Variants in E2F7 observed in about 807,000 individuals in gnomAD.
E2F7 encodes E2F transcription factor 7.
In E2F7, 35 loss-of-function variants were observed where a neutral mutation model predicts 81.1. That is an observed-to-expected ratio of 0.43 (90% CI 0.33 to 0.57). E2F7 has a LOEUF of 0.57. E2F7 is among the 20% of genes least tolerant of loss of function. E2F7 has a pLI of 0.04. For synonymous variants in E2F7, 416 were observed against 416.2 expected (o/e 1.00, Z 0.01); for missense variants, 961 against 1,093.7 (o/e 0.88, Z 1.71).
At chr12:77,027,041 G>T (rs1272218463) in intron 11 of E2F7, among the ~76,000 whole-genome samples, 3 of 152,082 alleles carry the variant, frequency 2.0e-5, no homozygotes, top group Non-Finnish European at 4.4e-5. Flanking sequence ...TTGTTCATTT[G>T]TGTATCCCCA....
At chr12:77,062,766 T>C (rs1955088111) in intron 2 of E2F7, among the ~76,000 whole-genome samples, 1 of 152,144 alleles carries the variant, frequency 6.6e-6, no homozygotes, top group African/African-American at 2.4e-5. Context: ...ATGTGTATTT[T>C]TTCAAGGCTG....
At chr12:77,026,818 AT>A in intron 11 of E2F7, among the ~76,000 whole-genome samples, 1 of 152,262 alleles carries the variant, frequency 6.6e-6, no homozygotes, top group South Asian at 2.1e-4. Flanking sequence ...AGGTCTTTTT[AT>A]TACTATCAGT....
chr12:77,060,442 G>A (rs138355745), intron 2 of E2F7, among the ~76,000 whole-genome samples: 3 of 152,248 alleles, frequency 2.0e-5, no homozygotes, highest in Admixed American at 2.0e-4. Context: ...AAAGGTCTTC[G>A]TTGTCTTGGT....
rs970712610 is a variant in E2F7, at chr12:77,063,309, G to A, written c.93+1234C>T. On this transcript the variant is annotated intron_variant, in intron 2 of 12. Transcript: ENST00000322886. Reference sequence around the variant, plus strand: ...GGTGAACGTTCTTGACTTAAGGAAAGAAAATCGTACGCCAAGGTTGCTAAG... The same window carrying A: ...GGTGAACGTTCTTGACTTAAGGAAAAAAAATCGTACGCCAAGGTTGCTAAG... Among the ~76,000 whole-genome samples the A allele has an allele frequency of 4.1e-4, 63 of 152,174 alleles. 1 individual carries two copies. Among genetic ancestry groups the A allele is most frequent in the Non-Finnish European group, 3.2e-4 (22 of 68,024 alleles).
rs1326035219 is a variant in E2F7 at position 77,021,640 on chromosome 12, G to A, written c.*2375C>T. 2.0e-5 allele frequency: 3 copies of A among 152,644 alleles called. No homozygotes were observed. The highest frequency in any genetic ancestry group is 7.2e-5 in the African/African-American group (3 of 41,470). 9.5% of individuals were successfully genotyped at this position (152,644 alleles called of 1,614,324 possible). On this transcript the variant is annotated 3_prime_UTR_variant, in exon 13 of 13. Coordinates refer to ENST00000322886, the MANE Select transcript of E2F7 (RefSeq NM_203394.3). ...AAGGGTTTTACAAACCCTGGTCAGTGTAGGGCACACACAGCCTCTGTGACA... is the reference window on the plus strand; with the variant it reads ...AAGGGTTTTACAAACCCTGGTCAGTATAGGGCACACACAGCCTCTGTGACA...
At chr12:77,050,294 C>G (rs1954976095) in intron 4 of E2F7, among the ~76,000 whole-genome samples, 1 of 152,082 alleles carries the variant, frequency 6.6e-6, no homozygotes, top group Non-Finnish European at 1.5e-5. Flanking sequence ...ATATGAGATA[C>G]TAATTTGTAA....
At position 77,030,069 on chromosome 12, in the gene E2F7, A is replaced by G; in HGVS notation, c.1646T>C (p.Val549Ala). The G allele has an allele frequency of 6.2e-7, 1 of 1,614,198 alleles. No homozygotes were observed. The highest frequency in any genetic ancestry group is 1.1e-5 in the South Asian group (1 of 91,084). ...ALLAGQPLVY[V>A]PSASLFMLYG... is the part of the protein sequence containing the mutation. ...CAGCATGAACAGTGAGGCAGAGGGC[A>G]CATACACTAGAGGCTGGCCAGCAAG... Residue 549 changes from valine to alanine, a missense_variant, in exon 10 of 13, where the codon GTG becomes GCG. Physicochemically the swap from Val to Ala is moderately conservative, Grantham distance 64. This residue lies in a region of E2F7 where 587 missense variants were observed against 620.3 expected (regional missense o/e 0.95). Coordinates refer to ENST00000322886, the MANE Select transcript of E2F7 (RefSeq NM_203394.3).
intron 7 of E2F7, among the ~76,000 whole-genome samples, chr12:77,037,529 A>C (rs1017260463): frequency 7.2e-5 from 11 of 152,222 alleles, no homozygotes; most frequent in African/African-American, 2.4e-4. Context: ...AGGCAGGGAG[A>C]AATGAAAGCA....
rs1346545280 is a variant in E2F7 at position 77,030,212 on chromosome 12, T to C, written c.1503A>G (p.Val501=). Residue 501 remains valine (V), a synonymous_variant, in exon 10 of 13, where the codon GTA becomes GTG. Transcript: ENST00000322886. ...GCAGGTCCGTCTGAGCAACAGAAAA[T>C]ACTGGGTGGGCTAAAGGATTAACAC... is the stretch of plus-strand genomic sequence containing the variant. ...EYCVNPLAHP[V]FSVAQTDLQA... is the part of the protein sequence containing the mutation. 3.7e-6 allele frequency: 6 copies of C among 1,613,956 alleles called. No homozygotes were observed. The highest frequency in any genetic ancestry group is 3.4e-6 in the Non-Finnish European group (4 of 1,179,976).
chr12:77,031,415 TGGATAA>T (rs1954806388), intron 9 of E2F7, among the ~76,000 whole-genome samples: 3 of 147,172 alleles, frequency 2.0e-5, no homozygotes, highest in Non-Finnish European at 4.5e-5. Flanking sequence ...CTAAGACAGG[TGGATAA>T]CCTGAAGTCA....
chr12:77,044,783 C>T lies in E2F7; in HGVS notation c.842G>A (p.Ser281Asn). 6.2e-7 allele frequency: 1 copy of T among 1,613,856 alleles called. No homozygotes were observed. The highest frequency in any genetic ancestry group is 8.5e-7 in the Non-Finnish European group (1 of 1,179,946). Residue 281 changes from serine (S) to asparagine (N), a missense_variant, in exon 6 of 13, where the codon AGT becomes AAT. Ser to Asn is a conservative substitution (Grantham distance 46). This residue lies in a region of E2F7 where 301 missense variants were observed against 405.0 expected (regional missense o/e 0.74). Transcript: ENST00000322886. ...AATTCTCAGAGACTTGTCTTTTCTA[C>T]TGTTTGCAGATGCTACACAAGGAAT... ...EPDCPSSSAN[S>N]RKDKSLRIMS...
At chr12:77,038,329 T>C (rs1375163190) in intron 7 of E2F7, among the ~76,000 whole-genome samples, 1 of 152,174 alleles carries the variant, frequency 6.6e-6, no homozygotes, top group Non-Finnish European at 1.5e-5. Context: ...CTCTGTATAT[T>C]TGTGTATATT....
chr12:77,036,057 C>T (rs1024541764), intron 7 of E2F7, among the ~76,000 whole-genome samples: 7 of 131,868 alleles, frequency 5.3e-5, no homozygotes, highest in African/African-American at 8.6e-5. Context: ...CTTTAGGTAA[C>T]CAAAAGCAAG....
intron 6 of E2F7, 181 bp downstream of exon 6, chr12:77,044,456 A>G (rs1954922537): frequency 1.4e-6 from 1 of 699,022 alleles, no homozygotes; most frequent in Non-Finnish European, 2.4e-6. Context: ...CAGGACTCTA[A>G]GCTGAATTCT....
chr12:77,032,069 T>C (rs1273987921), intron 9 of E2F7, among the ~76,000 whole-genome samples: 1 of 152,186 alleles, frequency 6.6e-6, no homozygotes, highest in Non-Finnish European at 1.5e-5. Flanking sequence ...TCCCTTTCTT[T>C]CCACCTCTGG....
In E2F7 at chr12:77,025,790, G is replaced by C; in HGVS notation, c.2333C>G (p.Thr778Arg). Residue 778 changes from threonine to arginine, a missense_variant, in exon 12 of 13, where the codon ACA becomes AGA. Thr to Arg is a moderately conservative substitution (Grantham distance 71). This residue lies in a region of E2F7 where 587 missense variants were observed against 620.3 expected (regional missense o/e 0.95). Coordinates refer to ENST00000322886, the MANE Select transcript of E2F7 (RefSeq NM_203394.3). ...VSSTLGALPNTGPVNFSLPGL... is the reference protein window; with the variant it reads ...VSSTLGALPNRGPVNFSLPGL... ...AGGCAAGCTGAAATTCACAGGTCCT[G>C]TGTTTGGGAGAGCACCAAGAGTAGA... 1 of 1,614,154 alleles carries C rather than the reference G, an allele frequency of 6.2e-7. No homozygotes were observed. The highest frequency in any genetic ancestry group is 8.5e-7 in the Non-Finnish European group (1 of 1,180,044).
At chr12:77,064,092 C>T (rs1209754489) in intron 2 of E2F7, among the ~76,000 whole-genome samples, 2 of 152,176 alleles carry the variant, frequency 1.3e-5, no homozygotes, top group Non-Finnish European at 2.9e-5. Context: ...ATAGTAGGCA[C>T]AGGTCTACTC....
chr12:77,032,886 G>T (rs1047871161), intron 9 of E2F7, among the ~76,000 whole-genome samples, 164 bp downstream of exon 9: 9 of 152,136 alleles, frequency 5.9e-5, no homozygotes, highest in African/African-American at 2.2e-4. Flanking sequence ...TATCCCTGAT[G>T]CTACTTCCTG....
rs1954716063 is a variant in E2F7, at chr12:77,022,040, A to T, written c.*1975T>A. ...ATGGTCATATCATGATCAGAATAAT[A>T]AAAAAAGATAGCAAAAATGTTAAAA... On this transcript the variant is annotated 3_prime_UTR_variant, in exon 13 of 13. Coordinates refer to ENST00000322886, the MANE Select transcript of E2F7 (RefSeq NM_203394.3). 1 of 152,136 alleles carries T rather than the reference A, an allele frequency of 6.6e-6. No homozygotes were observed. The highest frequency in any genetic ancestry group is 2.1e-4 in the South Asian group (1 of 4,824). The allele number at this position is 152,136 out of a possible 1,614,324, so 9.4% of individuals were successfully genotyped here. A position where few individuals can be genotyped will look rare whatever the true frequency, so the allele number is the denominator to read the frequency against.
Sources: gnomAD v4.1 joint callset for allele counts (sites outside exome capture counted in the v4.1 genomes callset) on GRCh38, gnomAD v4.1.1 for gene constraint, gnomAD v4.1.1 regional missense constraint, MANE v1.5 for transcripts, NCBI Gene and HGNC (gene_info 2026-07-23, HGNC 2026-07-21) for gene names.